The following HTT variants were observed in gnomAD, a reference collection of about 807,000 sequenced individuals.
HTT encodes the protein huntingtin, also known as huntington disease protein.
Under a neutral mutation model 362.3 loss-of-function variants are expected in HTT, and 104 were observed. The observed-to-expected ratio is 0.29, with a 90% CI of 0.24 to 0.34. HTT has a LOEUF of 0.34. HTT is among the 10% of genes least tolerant of loss of function. The pLI, the probability that HTT is intolerant of heterozygous loss-of-function variation, is 1.00. For synonymous variants in HTT, 1,577 were observed against 1,548.7 expected (o/e 1.02, Z -0.43); for missense variants, 3,301 against 3,928.6 (o/e 0.84, Z 4.27).
At chr4:3,226,712 A>G (rs1720936194) in intron 57 of HTT, among the ~76,000 whole-genome samples, 1 of 152,206 alleles carries the variant, frequency 6.6e-6, no homozygotes, top group Non-Finnish European at 1.5e-5. Context: ...GTTTAGAAAC[A>G]CTTATGAGCT....
rs964662753 is a variant in HTT at position 3,243,315 on chromosome 4, C to G, written c.*3256C>G. 2.0e-5 allele frequency: 3 copies of G among 152,610 alleles called. No homozygotes were observed. The highest frequency in any genetic ancestry group is 4.4e-5 in the Non-Finnish European group (3 of 68,088). The allele number at this position is 152,610 out of a possible 1,614,324, so 9.5% of individuals were successfully genotyped here. On this transcript the variant is annotated 3_prime_UTR_variant, in exon 67 of 67. Transcript: ENST00000355072. ...TCCTCATCGGGCTTTGTCCCTCCCC[C>G]GCTTCCTCCCTCTGCGGGGAGGACC...
rs563272056 is a variant in HTT at position 3,220,304 on chromosome 4, A to G, written c.7365A>G (p.Thr2455=). 5 of 1,613,178 alleles carry G rather than the reference A, an allele frequency of 3.1e-6. No individual in the cohort carries two copies. The highest frequency in any genetic ancestry group is 1.7e-4 in the Middle Eastern group (1 of 6,054). The change falls in exon 53 of 67, where the codon ACA becomes ACG. Residue 2455 remains threonine, a synonymous_variant. Coordinates refer to ENST00000355072, the MANE Select transcript of HTT (RefSeq NM_001388492.1). ...AGGAGTTCATCTACCGCATCAACAC[A>G]CTAGGTACTCTTGGGGCCTCTCCTT... ...VFKEFIYRIN[T]LGWTSRTQFE...
intron 66 of HTT, among the ~76,000 whole-genome samples, chr4:3,239,280 C>T (rs1016300488): frequency 1.4e-4 from 22 of 152,104 alleles, no homozygotes; most frequent in South Asian, 8.3e-4. Flanking sequence ...GCAGACGTCC[C>T]GCCCACTCGC....
chr4:3,181,674 A>G (rs1718532185), intron 36 of HTT, among the ~76,000 whole-genome samples: 1 of 152,132 alleles, frequency 6.6e-6, no homozygotes, highest in Non-Finnish European at 1.5e-5. Flanking sequence ...TGTAGTATTT[A>G]ATTAAATACT....
rs971688031 is a variant in HTT at position 3,242,682 on chromosome 4, C to T, written c.*2623C>T. On this transcript the variant is annotated 3_prime_UTR_variant, in exon 67 of 67. Transcript: ENST00000355072. ...CTAAAAATCTGTGGCAAGCACCCATCGTATTATCCAAATTTTGTTGCAAAT... is the reference window on the plus strand; with the variant it reads ...CTAAAAATCTGTGGCAAGCACCCATTGTATTATCCAAATTTTGTTGCAAAT... The T allele has an allele frequency of 5.9e-5, 9 of 152,152 alleles. No individual in the cohort carries two copies. The highest frequency in any genetic ancestry group is 1.2e-4 in the African/African-American group (5 of 41,404). The allele number at this position is 152,152 out of a possible 1,614,324, so 9.4% of individuals were successfully genotyped here. A position where few individuals can be genotyped will look rare whatever the true frequency, so the allele number is the denominator to read the frequency against.
intron 40 of HTT, among the ~76,000 whole-genome samples, chr4:3,191,465 C>G (rs1182286431): frequency 1.3e-5 from 2 of 152,200 alleles, no homozygotes; most frequent in African/African-American, 4.8e-5. Context: ...AGCCACCGCA[C>G]CCGGCCCGAG....
chr4:3,139,077 T>C (rs1716216517), intron 21 of HTT, among the ~76,000 whole-genome samples: 1 of 152,268 alleles, frequency 6.6e-6, no homozygotes, highest in South Asian at 2.1e-4. Flanking sequence ...TTCATCATTG[T>C]AATTTGCATT....
chr4:3,099,871 C>CTTGTATGGTTTGGAGGTGCTCTG (rs1404368079), intron 3 of HTT, among the ~76,000 whole-genome samples: 1 of 145,058 alleles, frequency 6.9e-6, no homozygotes. Flanking sequence ...TGGAGGTGCT[C>CTTGTATGGTTTGGAGGTGCTCTG]TTGTATGGTT....
chr4:3,074,989 C>T lies in HTT; in HGVS notation c.164C>T (p.Pro55Leu). Residue 55 changes from proline to leucine, a missense_variant, in exon 1 of 67, where the codon CCG becomes CTG. Pro to Leu is a moderately conservative substitution (Grantham distance 98, BLOSUM62 -3). Coordinates refer to ENST00000355072, the MANE Select transcript of HTT (RefSeq NM_001388492.1). ...PPPPPQLPQP[P>L]PQAQPLLPQP... ...CCGCCTCCTCAGCTTCCTCAGCCGC[C>T]GCCGCAGGCACAGCCGCTGCTGCCT... 1.4e-6 allele frequency: 2 copies of T among 1,473,346 alleles called. No homozygotes were observed. Among genetic ancestry groups the T allele is most frequent in the South Asian group, 1.3e-5 (1 of 79,146 alleles). The allele number at this position is 1,473,346 out of a possible 1,614,324, so 91.3% of individuals were successfully genotyped here. A position where few individuals can be genotyped will look rare whatever the true frequency, so the allele number is the denominator to read the frequency against.
At chr4:3,178,043 A>G (rs1718315121) in intron 34 of HTT, among the ~76,000 whole-genome samples, 1 of 152,152 alleles carries the variant, frequency 6.6e-6, no homozygotes, top group Non-Finnish European at 1.5e-5. Context: ...AGCTAGGAAG[A>G]TCGTAGCTGC....
In HTT at chr4:3,238,589, A is replaced by G; in HGVS notation, c.9034A>G (p.Met3012Val). ...LSNQQPYPQF[M>V]ATVVYKVFQT... ...CAACCAGCAGCCATACCCCCAGTTC[A>G]TGGCCACCGTGGTGTATAAGGTGAG... The change falls in exon 65 of 67, where the codon ATG becomes GTG. Residue 3012 changes from methionine (M) to valine (V), a missense_variant. Around this residue, in one of 4 missense-constraint regions of HTT, gnomAD observed 753 missense variants for 1,021.3 expected, o/e 0.74. Transcript: ENST00000355072. 1 of 1,610,736 alleles carries G rather than the reference A, an allele frequency of 6.2e-7. No individual in the cohort carries two copies. Among genetic ancestry groups the G allele is most frequent in the Non-Finnish European group, 8.5e-7 (1 of 1,178,354 alleles).
In HTT at chr4:3,099,273, G is replaced by T; in HGVS notation, c.348-1G>T. 6.2e-7 allele frequency: 1 copy of T among 1,610,642 alleles called. No homozygotes were observed. Among genetic ancestry groups the T allele is most frequent in the Non-Finnish European group, 8.5e-7 (1 of 1,177,712 alleles). ...ACAGTTTCTCTTCTTTTTTTGCTTA[G>T]AAATTCTCCAGAATTTCAGAAACTT... On this transcript the variant is annotated splice_acceptor_variant, in intron 2 of 66. Coordinates refer to ENST00000355072, the MANE Select transcript of HTT (RefSeq NM_001388492.1). LOFTEE classifies it high-confidence loss of function.
Position 3,122,898 on chromosome 4 carries a change from G to T in HTT, c.1283G>T (p.Gly428Val), listed in dbSNP as rs770664572. The change falls in exon 10 of 67, where the codon GGT (glycine) becomes GTT (valine). Residue 428 changes from glycine (G) to valine (V), a missense_variant. Coordinates refer to ENST00000355072, the MANE Select transcript of HTT (RefSeq NM_001388492.1). ...TTTCTGTGATTTGCAGCTGGAGGGGGTTCCTCATGCAGCCCTGTCCTTTCA... is the reference window on the plus strand; with the variant it reads ...TTTCTGTGATTTGCAGCTGGAGGGGTTTCCTCATGCAGCCCTGTCCTTTCA... ...GSIVELIAGG[G>V]SSCSPVLSRK... 8 of 1,609,472 alleles carry T rather than the reference G, an allele frequency of 5.0e-6. No homozygotes were observed. The African/African-American group carries it at 8.0e-5, about 16-fold the overall frequency.
intron 2 of HTT, among the ~76,000 whole-genome samples, chr4:3,098,853 T>C (rs529571904): frequency 1.8e-4 from 28 of 152,340 alleles, no homozygotes; most frequent in South Asian, 1.0e-3. Flanking sequence ...AGTAAACTTT[T>C]GGTAGAAAGC....
chr4:3,130,412 C>A lies in HTT; in HGVS notation c.1975C>A (p.Gln659Lys). ...LRDEATEPGD[Q>K]ENKPCRIKGD... ...AGATGAAGCTACTGAACCGGGTGAT[C>A]AAGAAAACAAGGTGAGGGACATAGG... The change falls in exon 14 of 67, where the codon CAA (glutamine) becomes AAA (lysine). Residue 659 changes from glutamine (Q) to lysine (K), a missense_variant. Physicochemically the swap from Gln to Lys is moderately conservative, Grantham distance 53. Transcript: ENST00000355072. 3 of 1,582,528 alleles carry A rather than the reference C, an allele frequency of 1.9e-6. No individual in the cohort carries two copies. Among genetic ancestry groups the A allele is most frequent in the South Asian group, 2.3e-5 (2 of 87,920 alleles).
chr4:3,154,339 G>A lies in HTT; in HGVS notation c.3545G>A (p.Arg1182Gln), dbSNP rs1361524056. 1.2e-6 allele frequency: 2 copies of A among 1,611,806 alleles called. No homozygotes were observed. The highest frequency in any genetic ancestry group is 1.7e-6 in the Non-Finnish European group (2 of 1,178,992). Residue 1182 changes from arginine (R) to glutamine (Q), a missense_variant, in exon 27 of 67, where the codon CGA becomes CAA. Coordinates refer to ENST00000355072, the MANE Select transcript of HTT (RefSeq NM_001388492.1). ...LTNPPSLSPI[R>Q]RKGKEKEPGE... ...AACCCCCCTTCTCTAAGTCCCATCC[G>A]ACGAAAGGGGAAGGAGAAAGAACCA...
At chr4:3,122,397 C>T (rs538935309) in intron 9 of HTT, among the ~76,000 whole-genome samples, 1 of 152,328 alleles carries the variant, frequency 6.6e-6, no homozygotes, top group African/African-American at 2.4e-5. Flanking sequence ...TTACTCACAG[C>T]CTCCACATTA....
At position 3,146,908 on chromosome 4, in the gene HTT, C is replaced by G; in HGVS notation, c.3255C>G (p.Ala1085=). ...CTTGGTTCCCATTGGATCTCTCAGC[C>G]CATCAAGATGCTTTGATTTTGGCCG... ...SSAWFPLDLS[A]HQDALILAGN... Residue 1085 remains alanine (A), a synonymous_variant, in exon 25 of 67, where the codon GCC becomes GCG. Coordinates refer to ENST00000355072, the MANE Select transcript of HTT (RefSeq NM_001388492.1). The G allele has an allele frequency of 6.2e-7, 1 of 1,614,152 alleles. No individual in the cohort carries two copies. The highest frequency in any genetic ancestry group is 2.2e-5 in the East Asian group (1 of 44,880).
Position 3,197,305 on chromosome 4 carries a change from C to T in HTT, c.5369-2427C>T, listed in dbSNP as rs541347608. Among the ~76,000 whole-genome samples, 115 of 152,200 alleles carry T rather than the reference C, an allele frequency of 7.6e-4. 1 individual carries two copies. The highest frequency in any genetic ancestry group is 2.5e-3 in the African/African-American group (105 of 41,508). ...CTTGTAGTCCTGGCATCCAGCTTCT[C>T]GACACGGGACTTGTCCTGCCAGTAC... On this transcript the variant is annotated intron_variant, in intron 40 of 66. Coordinates refer to ENST00000355072, the MANE Select transcript of HTT (RefSeq NM_001388492.1).
Sources: allele counts gnomAD v4.1 joint callset (sites outside exome capture counted in the v4.1 genomes callset), GRCh38; gene constraint gnomAD v4.1.1; regional missense constraint gnomAD v4.1.1; transcripts MANE v1.5; gene names NCBI Gene and HGNC (gene_info 2026-07-23, HGNC 2026-07-21).